Variants in ADAMTSL3 observed in about 807,000 individuals in gnomAD.
ADAMTSL3 encodes ADAMTS like 3.
ADAMTSL3 carries 128 observed loss-of-function variants against 201.7 expected under a neutral mutation model. That is an observed-to-expected ratio of 0.63 (90% CI 0.55 to 0.73). The LOEUF (loss-of-function observed/expected upper bound fraction) is 0.73, where lower values mean the gene tolerates loss of function less well. Among genes scored for constraint, ADAMTSL3 ranks in the 30% least tolerant of loss-of-function variants. ADAMTSL3 has a pLI of 0.00. For missense variants in ADAMTSL3, 1,990 were observed against 2,119.6 expected, an observed-to-expected ratio of 0.94 and a Z score of 1.20; for synonymous variants, 738 against 748.4, an observed-to-expected ratio of 0.99 and a Z score of 0.23.
intron 23 of ADAMTSL3, among the ~76,000 whole-genome samples, chr15:84,009,522 G>C (rs2067966783): frequency 6.6e-6 from 1 of 152,140 alleles, no homozygotes; most frequent in Admixed American, 6.5e-5. Context: ...CTAGCATTGG[G>C]TCCAATAGTT....
intron 3 of ADAMTSL3, among the ~76,000 whole-genome samples, chr15:83,706,131 G>T (rs542121641): frequency 6.6e-6 from 1 of 152,150 alleles, no homozygotes; most frequent in South Asian, 2.1e-4. Flanking sequence ...AATCCAACAG[G>T]TTTTCATATG....
chr15:83,730,978 A>G (rs2062257544), intron 3 of ADAMTSL3, among the ~76,000 whole-genome samples: 1 of 152,072 alleles, frequency 6.6e-6, no homozygotes. Flanking sequence ...GTTCAATTTC[A>G]TTCTTTCAAA....
intron 2 of ADAMTSL3, among the ~76,000 whole-genome samples, chr15:83,666,557 G>A (rs1269478828): frequency 6.6e-6 from 1 of 152,074 alleles, no homozygotes; most frequent in African/African-American, 2.4e-5. Context: ...GGAATAACAG[G>A]ACTGGGCACA....
At chr15:83,735,088 T>C (rs1647830203) in intron 3 of ADAMTSL3, among the ~76,000 whole-genome samples, 1 of 152,178 alleles carries the variant, frequency 6.6e-6, no homozygotes, top group African/African-American at 2.4e-5. Context: ...ATAAGAGTAT[T>C]TTTTAAAATT....
intron 25 of ADAMTSL3, among the ~76,000 whole-genome samples, chr15:84,019,076 TACACACACAC>T (rs71453219): frequency 5.7e-5 from 8 of 139,236 alleles, no homozygotes; most frequent in South Asian, 2.4e-4. Context: ...CACACACACA[TACACACACAC>T]ACACACACAC....
At chr15:83,936,385 A>AT (rs931629278) in intron 17 of ADAMTSL3, among the ~76,000 whole-genome samples, 3 of 151,024 alleles carry the variant, frequency 2.0e-5, no homozygotes, top group African/African-American at 7.4e-5. Flanking sequence ...AACACAGGAA[A>AT]TAATTAGAAT....
At chr15:83,730,675 A>T (rs2062251562) in intron 3 of ADAMTSL3, among the ~76,000 whole-genome samples, 1 of 151,942 alleles carries the variant, frequency 6.6e-6, no homozygotes, top group African/African-American at 2.4e-5. Flanking sequence ...TTGGATATTA[A>T]TCCTTTCTCA....
intron 27 of ADAMTSL3, 152 bp downstream of exon 27, chr15:84,025,588 T>G: frequency 4.0e-6 from 3 of 746,894 alleles, no homozygotes; most frequent in African/African-American, 3.6e-5. Flanking sequence ...ACCTCAAGGT[T>G]TACATTTAGA....
chr15:83,843,553 C>T (rs1051530563), intron 7 of ADAMTSL3, among the ~76,000 whole-genome samples: 1 of 152,162 alleles, frequency 6.6e-6, no homozygotes, highest in Non-Finnish European at 1.5e-5. Flanking sequence ...AAGCACTTCC[C>T]TATAATCATG....
intron 4 of ADAMTSL3, among the ~76,000 whole-genome samples, chr15:83,779,776 T>G (rs570565523): frequency 2.1e-5 from 3 of 142,982 alleles, no homozygotes; most frequent in South Asian, 4.5e-4. Context: ...ACTAAAAAAA[T>G]CACTTAAAAC....
At chr15:83,946,322 C>T (rs1211481937) in intron 19 of ADAMTSL3, among the ~76,000 whole-genome samples, 1 of 152,228 alleles carries the variant, frequency 6.6e-6, no homozygotes, top group East Asian at 1.9e-4. Context: ...CACCATTGCA[C>T]ATCTATGTGG....
chr15:83,818,471 CAT>C, intron 5 of ADAMTSL3, among the ~76,000 whole-genome samples: 1 of 152,292 alleles, frequency 6.6e-6, no homozygotes, highest in Admixed American at 6.5e-5. Context: ...GGACTACAGG[CAT>C]GCGCCACCAC....
Position 83,773,511 on chromosome 15 carries a change from T to A in ADAMTSL3, c.190-12T>A. The A allele has an allele frequency of 6.2e-7, 1 of 1,612,138 alleles. No individual in the cohort carries two copies. The highest frequency in any genetic ancestry group is 8.5e-7 in the Non-Finnish European group (1 of 1,179,474). ...TGGTTTTTTTTTTGTTTGTTTGCTTTTTAACATCTAGACCTCAAGAAACAC... is the reference window on the plus strand; with the variant it reads ...TGGTTTTTTTTTTGTTTGTTTGCTTATTAACATCTAGACCTCAAGAAACAC... On this transcript the variant is annotated splice_polypyrimidine_tract_variant and intron_variant, in intron 3 of 29. Transcript: ENST00000286744.
At chr15:83,907,453 G>C (rs1357791571) in intron 15 of ADAMTSL3, among the ~76,000 whole-genome samples, 1 of 152,196 alleles carries the variant, frequency 6.6e-6, no homozygotes, top group Non-Finnish European at 1.5e-5. Flanking sequence ...ACCCAGGCTG[G>C]AGTGCAGTGA....
chr15:83,852,634 G>T (rs1405163583), intron 7 of ADAMTSL3, among the ~76,000 whole-genome samples: 1 of 152,040 alleles, frequency 6.6e-6, no homozygotes, highest in Non-Finnish European at 1.5e-5. Flanking sequence ...TTTTTCAAGT[G>T]TCTGATCAAT....
At position 83,737,801 on chromosome 15, in the gene ADAMTSL3, T is replaced by C. The variant is rs1466756655; in HGVS notation, c.189+33293T>C. 2.0e-5 allele frequency among the ~76,000 whole-genome samples: 3 copies of C among 152,178 alleles called. No homozygotes were observed. In the East Asian group the frequency reaches 5.8e-4, roughly 29 times the overall value. ...ACATCGTGTTAAAATTTAAGAATGT[T>C]AAGAATTAGGAGAAATATCCAGAAA... On this transcript the variant is annotated intron_variant, in intron 3 of 29. Coordinates refer to ENST00000286744, the MANE Select transcript of ADAMTSL3 (RefSeq NM_207517.3).
chr15:83,740,597 A>G (rs7178620), intron 3 of ADAMTSL3, among the ~76,000 whole-genome samples: 14,792 of 152,212 alleles, frequency 0.097, 912 homozygotes, highest in South Asian at 0.26. Context: ...AGACAGCAAA[A>G]TAACACAAAC....
At chr15:83,962,682 T>C (rs1221545106) in intron 19 of ADAMTSL3, 12 of 152,262 alleles carry the variant, frequency 7.9e-5, no homozygotes, top group Non-Finnish European at 1.5e-4. Flanking sequence ...ATTTCTTGGA[T>C]ACTTGGTAAT....
intron 9 of ADAMTSL3, among the ~76,000 whole-genome samples, chr15:83,877,526 A>G (rs1345328220): frequency 2.0e-5 from 3 of 152,168 alleles, no homozygotes; most frequent in Non-Finnish European, 4.4e-5. Flanking sequence ...ATAAGTCTTG[A>G]TATCTGGAAA....
Sources: allele counts gnomAD v4.1 joint callset (sites outside exome capture counted in the v4.1 genomes callset), GRCh38; gene constraint gnomAD v4.1.1; transcripts MANE v1.5; gene names NCBI Gene and HGNC (gene_info 2026-07-23, HGNC 2026-07-21).